Variants in TCF4 observed in about 807,000 individuals in gnomAD.
TCF4 encodes transcription factor 4.
Under a neutral mutation model 82.1 loss-of-function variants are expected in TCF4, and 3 were observed. That is an observed-to-expected ratio of 0.04 (90% CI 0.02 to 0.09). The LOEUF (loss-of-function observed/expected upper bound fraction) is 0.09. TCF4 is among the 10% of genes least tolerant of loss of function. The probability of loss-of-function intolerance (pLI) is 1.00; values close to 1 mark genes in which losing one functional copy is unlikely to be tolerated. For synonymous variants in TCF4, 276 were observed against 309.6 expected (o/e 0.89, Z 1.14); for missense variants, 518 against 852.7 (o/e 0.61, Z 4.89).
upstream of TCF4, among the ~76,000 whole-genome samples, chr18:55,592,059 G>T (rs2097686087): frequency 6.6e-6 from 1 of 152,036 alleles, no homozygotes; most frequent in Non-Finnish European, 1.5e-5. Flanking sequence ...TTCTGTCACA[G>T]AATTGTCACA....
intron 15 of TCF4, among the ~76,000 whole-genome samples, chr18:55,253,764 A>G (rs1440416574): frequency 4.6e-5 from 7 of 152,048 alleles, no homozygotes; most frequent in Admixed American, 4.6e-4. Flanking sequence ...GACAGACACT[A>G]TTTTGGCTTC....
intron 5 of TCF4, among the ~76,000 whole-genome samples, chr18:55,459,765 G>C (rs2095839131): frequency 6.6e-6 from 1 of 152,110 alleles, no homozygotes; most frequent in African/African-American, 2.4e-5. Context: ...ATTCCTGCTT[G>C]AGTTACAATG....
intron 9 of TCF4, 118 bp downstream of exon 9, chr18:55,279,433 T>C: frequency 6.8e-7 from 1 of 1,467,604 alleles, no homozygotes; most frequent in South Asian, 1.2e-5. Context: ...AAGAAGAGCA[T>C]GACTTCAAAA....
In TCF4 at chr18:55,261,424, T is replaced by A. The variant is rs201667280; in HGVS notation, c.990+42A>T. ...TCCACTTCTGATTAAAGTTCACCCTTTACAATGGTACATATGGAGTCCAAA... is the reference window on the plus strand; with the variant it reads ...TCCACTTCTGATTAAAGTTCACCCTATACAATGGTACATATGGAGTCCAAA... On this transcript the variant is annotated intron_variant, in intron 12 of 19. Coordinates refer to ENST00000354452, the MANE Select transcript of TCF4 (RefSeq NM_001083962.2). 4.9e-4 allele frequency: 785 copies of A among 1,607,608 alleles called. 2 individuals carry two copies. Among genetic ancestry groups the A allele is most frequent in the Non-Finnish European group, 3.7e-4 (437 of 1,174,278 alleles).
intron 3 of TCF4, among the ~76,000 whole-genome samples, chr18:55,547,963 T>G (rs528365708): frequency 1.2e-4 from 18 of 152,330 alleles, no homozygotes; most frequent in Non-Finnish European, 2.5e-4. Context: ...AAAAGAAGTT[T>G]TGTGACCTCA....
chr18:55,345,715 T>C (rs968996468), intron 8 of TCF4, among the ~76,000 whole-genome samples: 2 of 152,304 alleles, frequency 1.3e-5, no homozygotes, highest in African/African-American at 4.8e-5. Flanking sequence ...CACAATCGGC[T>C]ACTTCCAGAC....
intron 8 of TCF4, among the ~76,000 whole-genome samples, chr18:55,293,464 T>C: frequency 6.6e-6 from 1 of 152,144 alleles, no homozygotes; most frequent in East Asian, 1.9e-4. Flanking sequence ...TTTTCCCTCA[T>C]TGCCAAAATG....
chr18:55,485,198 G>A (rs879447704), intron 3 of TCF4, among the ~76,000 whole-genome samples: 2 of 152,144 alleles, frequency 1.3e-5, no homozygotes, highest in Admixed American at 6.5e-5. Flanking sequence ...GGCAGTACAC[G>A]GAGGAAGGAA....
intron 3 of TCF4, among the ~76,000 whole-genome samples, chr18:55,521,387 C>T (rs1446998254): frequency 6.6e-6 from 1 of 152,178 alleles, no homozygotes; most frequent in East Asian, 1.9e-4. Context: ...TCATGCACTG[C>T]AATGACCTTC....
intron 3 of TCF4, among the ~76,000 whole-genome samples, chr18:55,575,943 TA>T (rs1452391335): frequency 5.9e-5 from 9 of 152,240 alleles, no homozygotes; most frequent in Non-Finnish European, 7.3e-5. Context: ...CAAAGATAAC[TA>T]TCACATTTCC....
intron 3 of TCF4, among the ~76,000 whole-genome samples, chr18:55,536,155 T>C (rs2097112804): frequency 6.6e-6 from 1 of 152,196 alleles, no homozygotes; most frequent in South Asian, 2.1e-4. Flanking sequence ...TTGGCAAATA[T>C]ATAGAAACAA....
chr18:55,346,960 CTG>C (rs2081307440), intron 8 of TCF4, among the ~76,000 whole-genome samples: 1 of 151,868 alleles, frequency 6.6e-6, no homozygotes, highest in South Asian at 2.1e-4. Flanking sequence ...GTACATTTTT[CTG>C]TGTATGAATT....
chr18:55,291,502 C>A (rs967371342), intron 8 of TCF4, among the ~76,000 whole-genome samples: 3 of 152,056 alleles, frequency 2.0e-5, no homozygotes, highest in Non-Finnish European at 2.9e-5. Flanking sequence ...TCTTCCCTTT[C>A]ATAAAGCTGA....
chr18:55,567,040 C>G (rs529696570), intron 3 of TCF4, among the ~76,000 whole-genome samples: 1 of 152,040 alleles, frequency 6.6e-6, no homozygotes, highest in Admixed American at 6.6e-5. Flanking sequence ...CAGGGAAATT[C>G]AGAAAACAGT....
chr18:55,340,366 T>A (rs1161596402), intron 8 of TCF4, among the ~76,000 whole-genome samples: 1 of 151,710 alleles, frequency 6.6e-6, no homozygotes, highest in African/African-American at 2.4e-5. Context: ...CTTGGTTTGA[T>A]AGAGATGGGT....
chr18:55,324,704 G>C (rs1176454349), intron 8 of TCF4, among the ~76,000 whole-genome samples: 1 of 151,924 alleles, frequency 6.6e-6, no homozygotes, highest in East Asian at 1.9e-4. Flanking sequence ...GCCCAGCCTT[G>C]TTATCGCTGA....
chr18:55,276,005 A>G (rs2061440917), intron 9 of TCF4, among the ~76,000 whole-genome samples: 1 of 152,182 alleles, frequency 6.6e-6, no homozygotes, highest in Non-Finnish European at 1.5e-5. Flanking sequence ...GTATATTTCT[A>G]CCATGAATTA....
At chr18:55,435,975 A>G (rs1240109119) in intron 5 of TCF4, among the ~76,000 whole-genome samples, 1 of 152,216 alleles carries the variant, frequency 6.6e-6, no homozygotes, top group Non-Finnish European at 1.5e-5. Flanking sequence ...CACAAGTCTG[A>G]TGCTCAATAA....
chr18:55,587,176 C>T (rs757141384), intron 1 of TCF4, 40 bp from the exon 2 acceptor site: 283 of 1,376,240 alleles, frequency 2.1e-4, no homozygotes, highest in Non-Finnish European at 2.7e-4. Flanking sequence ...AAATCCAGTC[C>T]CAATCCTTGG....
Sources: gnomAD v4.1 joint callset for allele counts (sites outside exome capture counted in the v4.1 genomes callset) on GRCh38, gnomAD v4.1.1 for gene constraint, MANE v1.5 for transcripts, NCBI Gene and HGNC (gene_info 2026-07-23, HGNC 2026-07-21) for gene names.